SH3TC2: variants seen among roughly 807,000 people sequenced by gnomAD.
SH3TC2 encodes the protein SH3 domain and tetratricopeptide repeat-containing protein 2.
SH3TC2 carries 87 observed loss-of-function variants against 124.5 expected under a neutral mutation model. The observed-to-expected ratio is 0.70, with a 90% CI of 0.59 to 0.84. The LOEUF (loss-of-function observed/expected upper bound fraction) is 0.84, where lower values mean the gene tolerates loss of function less well. SH3TC2 is among the 40% of genes least tolerant of loss of function. The probability of loss-of-function intolerance (pLI) is 0.00; values close to 1 mark genes in which losing one functional copy is unlikely to be tolerated. For synonymous variants in SH3TC2, 634 were observed against 628.5 expected (o/e 1.01, Z -0.13); for missense variants, 1,536 against 1,566.4 (o/e 0.98, Z 0.33).
At chr5:149,037,449 C>T (rs1754301738) in intron 8 of SH3TC2, among the ~76,000 whole-genome samples, 1 of 152,216 alleles carries the variant, frequency 6.6e-6, no homozygotes, top group Non-Finnish European at 1.5e-5. Context: ...GCAGGGCTTA[C>T]AGGGAGCTTC....
chr5:149,046,416 T>C (rs1754464750), intron 3 of SH3TC2: 1 of 152,208 alleles, frequency 6.6e-6, no homozygotes, highest in Non-Finnish European at 1.5e-5. Flanking sequence ...TTTAACCACT[T>C]CTGAACTAAA....
chr5:149,038,509 A>G lies in SH3TC2; in HGVS notation c.806-19T>C. 1 of 1,613,434 alleles carries G rather than the reference A, an allele frequency of 6.2e-7. No individual in the cohort carries two copies. Among genetic ancestry groups the G allele is most frequent in the South Asian group, 1.1e-5 (1 of 91,046 alleles). ...CCTCTGCCTGTGGAAAATAGCACACAGATCAGCTACAGAAGACATGAACAG... is the reference window on the plus strand; with the variant it reads ...CCTCTGCCTGTGGAAAATAGCACACGGATCAGCTACAGAAGACATGAACAG... On this transcript the variant is annotated intron_variant, in intron 7 of 16. Transcript: ENST00000515425.
chr5:149,006,802 G>A (rs1561756886), intron 16 of SH3TC2, 79 bp downstream of exon 16: 3 of 1,423,004 alleles, frequency 2.1e-6, no homozygotes, highest in Non-Finnish European at 3.0e-6. Flanking sequence ...CCACCACAAA[G>A]GCTCCTCATT....
chr5:149,026,574 G>A lies in SH3TC2; in HGVS notation c.3051C>T (p.Ala1017=), dbSNP rs767252819. The change falls in exon 12 of 17, where the codon GCC becomes GCT. Residue 1017 remains alanine, a splice_region_variant and synonymous_variant. Transcript: ENST00000515425. ...LGQLYRNLNT[A]RSLRRSLTCI... is the part of the protein sequence containing the mutation. Reference sequence around the variant, plus strand: ...GACAGTTCCTGACCCTGACTCACCTGGCGGTATTTAGGTTCCGATAAAGCT... The same window carrying A: ...GACAGTTCCTGACCCTGACTCACCTAGCGGTATTTAGGTTCCGATAAAGCT... 1.9e-6 allele frequency: 3 copies of A among 1,613,870 alleles called. No homozygotes were observed. The South Asian group carries it at 3.3e-5, about 18-fold the overall frequency.
intron 8 of SH3TC2, chr5:149,035,434 C>T (rs1180586412): frequency 1.3e-5 from 2 of 152,674 alleles, no homozygotes; most frequent in Non-Finnish European, 1.5e-5. Flanking sequence ...AATTTCTTCT[C>T]AGACCCTGAC....
At position 149,004,117 on chromosome 5, in the gene SH3TC2, C is replaced by T. The variant is rs1231249266; in HGVS notation, c.*594G>A. On this transcript the variant is annotated 3_prime_UTR_variant, in exon 17 of 17. Transcript: ENST00000515425. ...TTATGGCAGGAGGAAGATGGTGAATCCAAGTCAGGTTTCGTGCAATCCATC... is the reference window on the plus strand; with the variant it reads ...TTATGGCAGGAGGAAGATGGTGAATTCAAGTCAGGTTTCGTGCAATCCATC... The T allele has an allele frequency of 1.1e-5, 2 of 186,146 alleles. No individual in the cohort carries two copies. Among genetic ancestry groups the T allele is most frequent in the African/African-American group, 4.8e-5 (2 of 41,826 alleles). 11.5% of individuals were successfully genotyped at this position (186,146 alleles called of 1,614,324 possible).
Position 149,038,384 on chromosome 5 carries a change from C to T in SH3TC2, c.912G>A (p.Gly304=), listed in dbSNP as rs757204346. 1.2e-6 allele frequency: 2 copies of T among 1,614,174 alleles called. No individual in the cohort carries two copies. The highest frequency in any genetic ancestry group is 1.7e-6 in the Non-Finnish European group (2 of 1,180,020). The change falls in exon 8 of 17, where the codon GGG becomes GGA. Residue 304 remains glycine (G), a synonymous_variant. Transcript: ENST00000515425. ...TCGACTTTCCAATGAACCACTGAAGCCCAGGTATGACAAAGCCGATGATCT... is the reference window on the plus strand; with the variant it reads ...TCGACTTTCCAATGAACCACTGAAGTCCAGGTATGACAAAGCCGATGATCT... The part of the protein sequence containing the change: ...SIEIIGFVIP[G]LQWFIGKSTS...
rs1389977512 is a variant in SH3TC2, at chr5:149,003,896, T to TC, written c.*814dup. On this transcript the variant is annotated 3_prime_UTR_variant, in exon 17 of 17. Transcript: ENST00000515425. Reference sequence around the variant, plus strand: ...AGACATGTATTGGTATTCTCTCCCATCCATCAAGTCCTCCATCTCATCTGC... The same window carrying TC: ...AGACATGTATTGGTATTCTCTCCCATCCCATCAAGTCCTCCATCTCATCTGC... 5 of 342,414 alleles carry TC rather than the reference T, an allele frequency of 1.5e-5. No homozygotes were observed. The highest frequency in any genetic ancestry group is 3.7e-5 in the Admixed American group (1 of 27,024). The allele number at this position is 342,414 out of a possible 1,614,324, so 21.2% of individuals were successfully genotyped here.
rs764879239 is a variant in SH3TC2, at chr5:148,992,429, A to G, written c.*12282T>C. Among the ~76,000 whole-genome samples, 3 of 152,152 alleles carry G rather than the reference A, an allele frequency of 2.0e-5. No homozygotes were observed. The highest frequency in any genetic ancestry group is 4.4e-5 in the Non-Finnish European group (3 of 68,028). On this transcript the variant is annotated 3_prime_UTR_variant, in exon 17 of 17. Transcript: ENST00000515425. ...TTCTCAGGCATCACCTGGAGGATAC[A>G]TATATAACACCTACCTAAGCCCTAG...
rs11168079 is a variant in SH3TC2 at position 148,998,275 on chromosome 5, C to T, written c.*6436G>A. On this transcript the variant is annotated 3_prime_UTR_variant, in exon 17 of 17. Transcript: ENST00000515425. Reference sequence around the variant, plus strand: ...AACATAACAACAAAAAAGGATTTGACAGCCACTACCCTAGTCTGATTCAGA... The same window carrying T: ...AACATAACAACAAAAAAGGATTTGATAGCCACTACCCTAGTCTGATTCAGA... Among the ~76,000 whole-genome samples the T allele has an allele frequency of 6.6e-6, 1 of 152,106 alleles. No homozygotes were observed. The highest frequency in any genetic ancestry group is 2.4e-5 in the African/African-American group (1 of 41,418).
intron 16 of SH3TC2, among the ~76,000 whole-genome samples, 159 bp from the exon 17 acceptor site, chr5:149,005,061 C>T (rs1310150885): frequency 6.6e-6 from 1 of 152,056 alleles, no homozygotes; most frequent in Non-Finnish European, 1.5e-5. Context: ...TTAGGGAGCC[C>T]CTCTCTCCCT....
Position 149,003,601 on chromosome 5 carries a change from A to C in SH3TC2, c.*1110T>G, listed in dbSNP as rs575546250. 31 of 192,594 alleles carry C rather than the reference A, an allele frequency of 1.6e-4. 3 individuals are homozygous for C. The South Asian group carries it at 2.2e-3, about 14-fold the overall frequency. 11.9% of individuals were successfully genotyped at this position (192,594 alleles called of 1,614,324 possible). A position where few individuals can be genotyped will look rare whatever the true frequency, so the allele number is the denominator to read the frequency against. On this transcript the variant is annotated 3_prime_UTR_variant, in exon 17 of 17. Transcript: ENST00000515425. ...ATGCTTGGATTCCTGCCCTTCAGAA[A>C]CCATGAGATTATAAGTGTTTTAGGC... is the stretch of plus-strand genomic sequence containing the variant.
rs575845728 is a variant in SH3TC2, at chr5:148,994,961, C to A, written c.*9750G>T. Among the ~76,000 whole-genome samples the A allele has an allele frequency of 2.0e-5, 3 of 152,210 alleles. No individual in the cohort carries two copies. Among genetic ancestry groups the A allele is most frequent in the Middle Eastern group, 3.4e-3 (1 of 294 alleles). On this transcript the variant is annotated 3_prime_UTR_variant, in exon 17 of 17. Coordinates refer to ENST00000515425, the MANE Select transcript of SH3TC2 (RefSeq NM_024577.4). ...AGGAAAGAGACTTGGGATTATGAAACAATACTCTGGACCACTCAGGCCTCA... is the reference window on the plus strand; with the variant it reads ...AGGAAAGAGACTTGGGATTATGAAAAAATACTCTGGACCACTCAGGCCTCA...
In SH3TC2 at chr5:149,007,027, A is replaced by T. The variant is rs768851875; in HGVS notation, c.3529T>A (p.Tyr1177Asn). 6.8e-6 allele frequency: 11 copies of T among 1,614,216 alleles called. No individual in the cohort carries two copies. The highest frequency in any genetic ancestry group is 9.3e-6 in the Non-Finnish European group (11 of 1,180,036). The stretch of plus-strand genomic sequence containing the variant: ...GCCATCTCATACATGTGCAGGGAGT[A>T]GTACACTGTAGCCAGGCGGTGAAAG... The part of the protein sequence containing the change: ...VAFHRLATVY[Y>N]SLHMYEMAED... Residue 1177 changes from tyrosine (Y) to asparagine (N), a missense_variant, in exon 16 of 17, where the codon TAC becomes AAC. Tyr to Asn is a moderately radical substitution (Grantham distance 143). Around this residue, in one of 3 missense-constraint regions of SH3TC2, gnomAD observed 426 missense variants for 443.5 expected, o/e 0.96. Transcript: ENST00000515425.
At chr5:149,042,112 T>C (rs973287948) in intron 5 of SH3TC2, among the ~76,000 whole-genome samples, 1 of 152,348 alleles carries the variant, frequency 6.6e-6, no homozygotes. Context: ...AAATATCATA[T>C]GCAAATCTGG....
chr5:149,028,025 G>A lies in SH3TC2; in HGVS notation c.1707C>T (p.Ala569=). The part of the protein sequence containing the change: ...NGAFEDLSLV[A]TLYINLAAIY... ...TGGCAGCCAAATTGATGTACAGAGT[G>A]GCCACCAAGGATAGGTCCTCAAATG... The change falls in exon 11 of 17, where the codon GCC becomes GCT. Residue 569 remains alanine, a synonymous_variant. Transcript: ENST00000515425. 6.2e-7 allele frequency: 1 copy of A among 1,614,148 alleles called. No individual in the cohort carries two copies. The highest frequency in any genetic ancestry group is 8.5e-7 in the Non-Finnish European group (1 of 1,180,036).
intron 1 of SH3TC2, among the ~76,000 whole-genome samples, chr5:149,052,529 A>T (rs1243499594): frequency 1.3e-5 from 2 of 152,204 alleles, no homozygotes; most frequent in East Asian, 3.9e-4. Flanking sequence ...GAAGGTGCTC[A>T]ATATACATTG....
chr5:149,008,751 A>G, intron 15 of SH3TC2, 100 bp downstream of exon 15: 2 of 1,544,518 alleles, frequency 1.3e-6, no homozygotes, highest in Non-Finnish European at 1.8e-6. Flanking sequence ...ATTTGAACCC[A>G]CACAGTCTGA....
Position 148,996,652 on chromosome 5 carries a change from G to T in SH3TC2, c.*8059C>A, listed in dbSNP as rs1294055162. On this transcript the variant is annotated 3_prime_UTR_variant, in exon 17 of 17. Transcript: ENST00000515425. ...GGTACAATGTTCAAAGAATTCAGGG[G>T]CATTCCTATGAATGTCTCTATGAAG... Among the ~76,000 whole-genome samples the T allele has an allele frequency of 6.6e-6, 1 of 152,126 alleles. No individual in the cohort carries two copies. Among genetic ancestry groups the T allele is most frequent in the East Asian group, 1.9e-4 (1 of 5,178 alleles).
Sources: allele counts gnomAD v4.1 joint callset (sites outside exome capture counted in the v4.1 genomes callset), GRCh38; gene constraint gnomAD v4.1.1; regional missense constraint gnomAD v4.1.1; transcripts MANE v1.5; gene names NCBI Gene and HGNC (gene_info 2026-07-23, HGNC 2026-07-21).